DPYD: variants seen among roughly 807,000 people sequenced by gnomAD.
DPYD encodes dihydropyrimidine dehydrogenase [NADP(+)].
A neutral mutation model predicts 116.2 loss-of-function variants in DPYD; 109 were observed. That is an observed-to-expected ratio of 0.94 (90% CI 0.80 to 1.10). DPYD has a LOEUF of 1.10. Among genes scored for constraint, DPYD ranks in the 50% least tolerant of loss-of-function variants. The pLI is 0.00. For missense variants in DPYD, 1,302 were observed against 1,254.5 expected (o/e 1.04, Z -0.57); for synonymous variants, 440 against 432.0 (o/e 1.02, Z -0.23).
intron 1 of DPYD, among the ~76,000 whole-genome samples, chr1:97,886,227 A>C (rs1672478516): frequency 6.6e-6 from 1 of 152,044 alleles, no homozygotes; most frequent in Non-Finnish European, 1.5e-5. Context: ...CAAAACACAG[A>C]GCTCGCTCTA....
chr1:97,456,105 C>T (rs1437367571), intron 13 of DPYD, among the ~76,000 whole-genome samples: 1 of 151,172 alleles, frequency 6.6e-6, no homozygotes. Flanking sequence ...TTATCATGAC[C>T]TATATCCATG....
intron 12 of DPYD, among the ~76,000 whole-genome samples, chr1:97,540,666 T>C (rs12756513): frequency 0.26 from 38,803 of 152,110 alleles, 5,374 homozygotes; most frequent in East Asian, 0.42. Context: ...ATAGGCATGA[T>C]TGATTAGATC....
At chr1:97,539,726 A>G (rs1293386172) in intron 12 of DPYD, among the ~76,000 whole-genome samples, 2 of 152,196 alleles carry the variant, frequency 1.3e-5, no homozygotes, top group African/African-American at 4.8e-5. Flanking sequence ...ATTTGACAAA[A>G]TGTTCCATGT....
At chr1:97,157,729 G>T (rs1172593422) in intron 20 of DPYD, among the ~76,000 whole-genome samples, 1 of 152,048 alleles carries the variant, frequency 6.6e-6, no homozygotes, top group Non-Finnish European at 1.5e-5. Context: ...AATTTCTGTG[G>T]AATACAACTC....
intron 3 of DPYD, among the ~76,000 whole-genome samples, chr1:97,771,215 G>A (rs1666125656): frequency 6.6e-6 from 1 of 152,130 alleles, no homozygotes; most frequent in Admixed American, 6.5e-5. Context: ...AGTGGAGGTT[G>A]CAGTGAGCCG....
chr1:97,362,336 A>AG (rs781170238), intron 16 of DPYD, among the ~76,000 whole-genome samples: 2 of 152,364 alleles, frequency 1.3e-5, no homozygotes, highest in Non-Finnish European at 1.5e-5. Context: ...TTCCATGCTC[A>AG]GGGATAGGAA....
chr1:97,341,909 A>G (rs948245964), intron 16 of DPYD, among the ~76,000 whole-genome samples: 2 of 152,154 alleles, frequency 1.3e-5, no homozygotes, highest in Middle Eastern at 3.2e-3. Context: ...TAACACAGAA[A>G]CCAGCAACAA....
chr1:97,868,176 T>C (rs565327904), intron 2 of DPYD, among the ~76,000 whole-genome samples: 31 of 151,766 alleles, frequency 2.0e-4, no homozygotes, highest in South Asian at 4.2e-4. Context: ...AGTTAAACTA[T>C]TTATATCATG....
intron 11 of DPYD, among the ~76,000 whole-genome samples, chr1:97,565,378 C>T (rs1652445127): frequency 6.6e-6 from 1 of 152,094 alleles, no homozygotes; most frequent in African/African-American, 2.4e-5. Flanking sequence ...TTTAAACCTC[C>T]TCATTTGTCA....
intron 18 of DPYD, among the ~76,000 whole-genome samples, chr1:97,293,168 A>C (rs1268707643): frequency 6.6e-6 from 1 of 152,178 alleles, no homozygotes; most frequent in East Asian, 1.9e-4. Context: ...CATTACTGTG[A>C]ATTTTTTTAA....
At chr1:97,547,294 G>A (rs376435340) in intron 12 of DPYD, among the ~76,000 whole-genome samples, 20 of 152,206 alleles carry the variant, frequency 1.3e-4, no homozygotes, top group Admixed American at 1.1e-3. Context: ...AGATAGTTTG[G>A]GGGGCAGGAA....
At chr1:97,572,344 G>A (rs1373035146) in intron 11 of DPYD, among the ~76,000 whole-genome samples, 2 of 151,708 alleles carry the variant, frequency 1.3e-5, no homozygotes, top group Non-Finnish European at 2.9e-5. Flanking sequence ...ACAAGCACAA[G>A]CTTATAAAAT....
intron 18 of DPYD, among the ~76,000 whole-genome samples, chr1:97,278,112 G>C (rs1665072987): frequency 6.6e-6 from 1 of 152,154 alleles, no homozygotes; most frequent in Non-Finnish European, 1.5e-5. Context: ...GACTCAGTCT[G>C]TTCCAGGAAA....
chr1:97,189,685 T>C (rs374542204), intron 20 of DPYD, among the ~76,000 whole-genome samples: 9 of 152,274 alleles, frequency 5.9e-5, no homozygotes, highest in Admixed American at 2.6e-4. Context: ...ATATTTTCAT[T>C]TTGGTAATCT....
At chr1:97,898,240 C>T (rs910435983) in intron 1 of DPYD, among the ~76,000 whole-genome samples, 1 of 151,694 alleles carries the variant, frequency 6.6e-6, no homozygotes, top group South Asian at 2.1e-4. Flanking sequence ...TTCCCACATG[C>T]GTATACTAAT....
intron 2 of DPYD, among the ~76,000 whole-genome samples, chr1:97,844,697 G>A (rs1670204787): frequency 6.6e-6 from 1 of 152,126 alleles, no homozygotes; most frequent in African/African-American, 2.4e-5. Context: ...ACAGGTGGGA[G>A]CCCCACACAC....
intron 14 of DPYD, among the ~76,000 whole-genome samples, chr1:97,407,730 G>A (rs1317499703): frequency 6.6e-6 from 1 of 152,064 alleles, no homozygotes; most frequent in Non-Finnish European, 1.5e-5. Context: ...GGAATCAAGG[G>A]GTGTAAGTAG....
chr1:97,294,342 A>T (rs1476565327), intron 18 of DPYD, among the ~76,000 whole-genome samples: 1 of 152,152 alleles, frequency 6.6e-6, no homozygotes, highest in Non-Finnish European at 1.5e-5. Flanking sequence ...AGGAGAAATG[A>T]GAAAGAGTGT....
At chr1:97,492,923 C>T (rs1679050343) in intron 13 of DPYD, among the ~76,000 whole-genome samples, 1 of 152,094 alleles carries the variant, frequency 6.6e-6, no homozygotes. Flanking sequence ...TTTACTGCTT[C>T]CACTGCAGAC....
Sources: allele counts gnomAD v4.1 joint callset (sites outside exome capture counted in the v4.1 genomes callset), GRCh38; gene constraint gnomAD v4.1.1; transcripts MANE v1.5; gene names NCBI Gene and HGNC (gene_info 2026-07-23, HGNC 2026-07-21).